The following TRDN variants were observed in gnomAD, a reference collection of about 807,000 sequenced individuals.
TRDN encodes triadin.
A neutral mutation model predicts 149.7 loss-of-function variants in TRDN; 161 were observed. That is an observed-to-expected ratio of 1.08 (90% CI 0.95 to 1.23). The LOEUF (loss-of-function observed/expected upper bound fraction) is 1.23, where lower values mean the gene tolerates loss of function less well. TRDN is among the 50% of genes most tolerant of loss of function. The pLI, the probability that TRDN is intolerant of heterozygous loss-of-function variation, is 0.00. For missense variants in TRDN, 896 were observed against 823.5 expected (o/e 1.09, Z -1.08); for synonymous variants, 294 against 250.5 (o/e 1.17, Z -1.64).
chr6:123,409,153 C>T (rs1214748930), intron 12 of TRDN, among the ~76,000 whole-genome samples: 1 of 152,182 alleles, frequency 6.6e-6, no homozygotes, highest in Non-Finnish European at 1.5e-5. Flanking sequence ...GCTTCTCTTT[C>T]ACACTAACTA....
At chr6:123,479,174 G>T (rs1005296926) in intron 9 of TRDN, among the ~76,000 whole-genome samples, 5 of 152,104 alleles carry the variant, frequency 3.3e-5, no homozygotes, top group Non-Finnish European at 2.9e-5. Context: ...ATGTGAAATA[G>T]TACCAAAGAT....
chr6:123,621,525 A>G (rs374611050), intron 1 of TRDN, among the ~76,000 whole-genome samples: 114 of 152,266 alleles, frequency 7.5e-4, no homozygotes, highest in African/African-American at 2.6e-3. Flanking sequence ...GCCTCCCCCA[A>G]TTGAAACAAA....
At chr6:123,416,886 A>G (rs1398759424) in intron 12 of TRDN, among the ~76,000 whole-genome samples, 2 of 152,100 alleles carry the variant, frequency 1.3e-5, no homozygotes, top group Non-Finnish European at 2.9e-5. Flanking sequence ...TATTTTTAAT[A>G]GAGATGGGGC....
At chr6:123,311,081 C>T (rs984303690) in intron 24 of TRDN, among the ~76,000 whole-genome samples, 10 of 151,862 alleles carry the variant, frequency 6.6e-5, no homozygotes, top group African/African-American at 2.2e-4. Context: ...AAAATAAATA[C>T]CGAAGACTGG....
At chr6:123,524,825 T>C (rs1263227568) in intron 5 of TRDN, among the ~76,000 whole-genome samples, 2 of 152,148 alleles carry the variant, frequency 1.3e-5, no homozygotes, top group Non-Finnish European at 2.9e-5. Context: ...TGCTGATACC[T>C]GAAGATATAC....
chr6:123,408,946 A>C (rs1299246677), intron 12 of TRDN, among the ~76,000 whole-genome samples: 2 of 152,144 alleles, frequency 1.3e-5, no homozygotes, highest in Non-Finnish European at 2.9e-5. Flanking sequence ...TGCATACAAA[A>C]TGTTACCCTC....
chr6:123,581,570 T>C (rs1783123954), intron 1 of TRDN, among the ~76,000 whole-genome samples: 1 of 152,190 alleles, frequency 6.6e-6, no homozygotes, highest in African/African-American at 2.4e-5. Flanking sequence ...TAGAAGGTTA[T>C]GCGGTATATA....
chr6:123,562,709 G>A (rs1310441980), intron 2 of TRDN, among the ~76,000 whole-genome samples: 2 of 152,074 alleles, frequency 1.3e-5, no homozygotes, highest in Non-Finnish European at 2.9e-5. Flanking sequence ...GAAGTACATT[G>A]GATTCTAAAA....
intron 1 of TRDN, among the ~76,000 whole-genome samples, chr6:123,591,294 G>T (rs547192152): frequency 2.0e-4 from 31 of 152,170 alleles, no homozygotes; most frequent in Admixed American, 3.3e-4. Context: ...TGCCCAGGCT[G>T]GGGTGCAGTG....
chr6:123,565,139 A>T (rs920024468), intron 2 of TRDN, among the ~76,000 whole-genome samples: 10 of 152,242 alleles, frequency 6.6e-5, no homozygotes, highest in African/African-American at 2.4e-4. Flanking sequence ...AGAAATTTCA[A>T]CCAAAGCCTA....
At chr6:123,242,630 T>C (rs1461668436) in intron 38 of TRDN, among the ~76,000 whole-genome samples, 1 of 151,912 alleles carries the variant, frequency 6.6e-6, no homozygotes, top group Admixed American at 6.6e-5. Flanking sequence ...GTCTAAGAGA[T>C]TACACTGGAA....
intron 12 of TRDN, among the ~76,000 whole-genome samples, chr6:123,402,254 C>T (rs1773010875): frequency 1.3e-5 from 2 of 152,262 alleles, no homozygotes; most frequent in East Asian, 1.9e-4. Flanking sequence ...CAGTCTCAGT[C>T]AATCACAAAC....
chr6:123,528,958 T>C (rs1780080618), intron 5 of TRDN: 1 of 1,217,114 alleles, frequency 8.2e-7, no homozygotes, highest in African/African-American at 1.5e-5. Flanking sequence ...GCTCAGTCTT[T>C]GAGAAATTTA....
rs576996210 is a variant in TRDN at position 123,474,601 on chromosome 6, C to T, written c.854-9618G>A. On this transcript the variant is annotated intron_variant, in intron 9 of 40. Coordinates refer to ENST00000334268, the MANE Select transcript of TRDN (RefSeq NM_006073.4). ...TAATAGACATCTAAAGAACTCTCCA[C>T]CCCAAATCAACAGAATATACATTTT... Among the ~76,000 whole-genome samples the T allele has an allele frequency of 6.1e-3, 931 of 152,214 alleles. 7 individuals are homozygous for T. Among genetic ancestry groups the T allele is most frequent in the African/African-American group, 0.021 (874 of 41,506 alleles).
chr6:123,438,933 A>C lies in TRDN; in HGVS notation c.991+11T>G, dbSNP rs1245038855. ...TTGATTTATGTGGTACATGGCTTTT[A>C]AATTTCCTACCTTTCTTTTTTGTTT... On this transcript the variant is annotated intron_variant, in intron 11 of 40. Coordinates refer to ENST00000334268, the MANE Select transcript of TRDN (RefSeq NM_006073.4). The C allele has an allele frequency of 2.6e-6, 4 of 1,552,614 alleles. No individual in the cohort carries two copies. The highest frequency in any genetic ancestry group is 3.5e-6 in the Non-Finnish European group (4 of 1,146,996).
intron 9 of TRDN, among the ~76,000 whole-genome samples, chr6:123,491,468 A>C (rs931438188): frequency 6.6e-6 from 1 of 152,168 alleles, no homozygotes; most frequent in South Asian, 2.1e-4. Flanking sequence ...TTGTTTTACT[A>C]TATTTAAATT....
At chr6:123,489,892 G>A (rs1056175785) in intron 9 of TRDN, among the ~76,000 whole-genome samples, 1 of 147,914 alleles carries the variant, frequency 6.8e-6, no homozygotes, top group East Asian at 2.0e-4. Flanking sequence ...TTTTTTTTTT[G>A]AGACACCATT....
chr6:123,582,981 C>A (rs903059243), intron 1 of TRDN, among the ~76,000 whole-genome samples: 1 of 151,850 alleles, frequency 6.6e-6, no homozygotes. Context: ...TTGGTGATGG[C>A]CTGGATAACA....
intron 3 of TRDN, among the ~76,000 whole-genome samples, chr6:123,547,838 C>G (rs1781193662): frequency 6.6e-6 from 1 of 151,892 alleles, no homozygotes. Flanking sequence ...CATACTCATT[C>G]AATGGCAGCT....
Sources: allele counts gnomAD v4.1 joint callset (sites outside exome capture counted in the v4.1 genomes callset), GRCh38; gene constraint gnomAD v4.1.1; transcripts MANE v1.5; gene names NCBI Gene and HGNC (gene_info 2026-07-23, HGNC 2026-07-21).